RYR2: variants seen among roughly 807,000 people sequenced by gnomAD.
RYR2 encodes ryanodine receptor 2.
A neutral mutation model predicts 601.1 loss-of-function variants in RYR2; 227 were observed. That is an observed-to-expected ratio of 0.38 (90% CI 0.34 to 0.42). The LOEUF is 0.42. Ranked by LOEUF, RYR2 falls within the 10% of genes least tolerant of loss-of-function variation. The pLI, the probability that RYR2 is intolerant of heterozygous loss-of-function variation, is 1.00. For missense variants in RYR2, 4,646 were observed against 6,156.5 expected (o/e 0.75, Z 8.21); for synonymous variants, 2,223 against 2,175.1 (o/e 1.02, Z -0.61).
intron 16 of RYR2, among the ~76,000 whole-genome samples, chr1:237,464,752 TC>T (rs1434270637): frequency 6.6e-6 from 1 of 152,226 alleles, no homozygotes; most frequent in Non-Finnish European, 1.5e-5. Context: ...CTATCAATGT[TC>T]TTTTATAGCA....
At chr1:237,105,725 T>A (rs1668585671) in intron 1 of RYR2, among the ~76,000 whole-genome samples, 1 of 151,500 alleles carries the variant, frequency 6.6e-6, no homozygotes, top group African/African-American at 2.4e-5. Flanking sequence ...TCCCAACTAC[T>A]TGGGAGGCTG....
intron 60 of RYR2, among the ~76,000 whole-genome samples, chr1:237,676,839 T>A (rs954125939): frequency 9.9e-5 from 15 of 152,172 alleles, no homozygotes; most frequent in African/African-American, 3.4e-4. Context: ...GCATTTTTTT[T>A]AAATGTAGTA....
At chr1:237,599,911 T>TA (rs200874378) in intron 34 of RYR2, among the ~76,000 whole-genome samples, 2,307 of 152,006 alleles carry the variant, frequency 0.015, 19 homozygotes, top group Non-Finnish European at 0.024. Context: ...GAAATAAATT[T>TA]AAGAGGACAG....
intron 20 of RYR2, among the ~76,000 whole-genome samples, chr1:237,497,676 C>T (rs761427936): frequency 5.3e-5 from 8 of 152,072 alleles, no homozygotes; most frequent in Non-Finnish European, 8.8e-5. Flanking sequence ...GCTTTATGGG[C>T]CTAAAACTTA....
chr1:237,432,211 A>G lies in RYR2; in HGVS notation c.1005+8963A>G, dbSNP rs201361069. ...AGAGCAATGACTTTAGGCTTTTTTT[A>G]AAAAAAAATGCCTTTTACAGTTTAA... is the stretch of plus-strand genomic sequence containing the variant. On this transcript the variant is annotated intron_variant, in intron 12 of 104. Transcript: ENST00000366574. Among the ~76,000 whole-genome samples, 21 of 119,196 alleles carry G rather than the reference A, an allele frequency of 1.8e-4. 1 individual carries two copies. The highest frequency in any genetic ancestry group is 3.1e-4 in the Admixed American group (3 of 9,706). 78.2% of individuals were successfully genotyped at this position (119,196 alleles called of 152,430 possible).
At chr1:237,147,349 G>A (rs1674116871) in intron 1 of RYR2, among the ~76,000 whole-genome samples, 1 of 152,124 alleles carries the variant, frequency 6.6e-6, no homozygotes, top group Non-Finnish European at 1.5e-5. Context: ...AAAAGGGTGT[G>A]CACCTGTTCT....
rs76067313 is a variant in RYR2 at position 237,380,530 on chromosome 1, G to A, written c.576+3095G>A. ...GGAATAATAAAGAACTTAACTCATAGGGGTGTTACGGGATTAAATGCTGGA... is the reference window on the plus strand; with the variant it reads ...GGAATAATAAAGAACTTAACTCATAAGGGTGTTACGGGATTAAATGCTGGA... On this transcript the variant is annotated intron_variant, in intron 8 of 104. Coordinates refer to ENST00000366574, the MANE Select transcript of RYR2 (RefSeq NM_001035.3). 0.011 allele frequency among the ~76,000 whole-genome samples: 1,630 copies of A among 149,380 alleles called. 65 individuals are homozygous for A. In the East Asian group the frequency reaches 0.14, roughly 13 times the overall value.
intron 1 of RYR2, among the ~76,000 whole-genome samples, chr1:237,171,268 A>G (rs1021616812): frequency 6.6e-6 from 1 of 152,176 alleles, no homozygotes; most frequent in South Asian, 2.1e-4. Context: ...CATTAAAAAA[A>G]AATATTTAAA....
chr1:237,461,632 A>G (rs1173700578), intron 16 of RYR2, among the ~76,000 whole-genome samples: 1 of 152,042 alleles, frequency 6.6e-6, no homozygotes, highest in Non-Finnish European at 1.5e-5. Context: ...ATTAACATGC[A>G]TTACTTTTAT....
intron 10 of RYR2, among the ~76,000 whole-genome samples, chr1:237,389,017 C>T (rs1408181588): frequency 6.6e-6 from 1 of 152,092 alleles, no homozygotes. Flanking sequence ...TGCATAATCT[C>T]AGGAAAAGTC....
intron 3 of RYR2, among the ~76,000 whole-genome samples, chr1:237,331,729 T>C (rs184069967): frequency 3.4e-4 from 51 of 151,858 alleles, no homozygotes; most frequent in African/African-American, 1.2e-3. Flanking sequence ...TTGGCCAGGA[T>C]GGTCTTGACC....
At chr1:237,310,069 C>T (rs1019610881) in intron 2 of RYR2, among the ~76,000 whole-genome samples, 3 of 152,174 alleles carry the variant, frequency 2.0e-5, no homozygotes, top group East Asian at 1.9e-4. Context: ...CACAGTGCAG[C>T]AGCAGGCTGA....
chr1:237,536,398 C>T (rs886773194), intron 25 of RYR2, among the ~76,000 whole-genome samples: 11 of 152,062 alleles, frequency 7.2e-5, no homozygotes, highest in Non-Finnish European at 1.5e-4. Context: ...GGTGTAACCC[C>T]GTCTCTACTA....
In RYR2 at chr1:237,633,835, A is replaced by T. The variant is rs115787974; in HGVS notation, c.6688+125A>T. ...AGACATTTCACAAAAGAAGACAGAT[A>T]GTTGGCCAATAGGTATATGAAAAAA... On this transcript the variant is annotated intron_variant, in intron 43 of 104. Transcript: ENST00000366574. 12 of 964,030 alleles carry T rather than the reference A, an allele frequency of 1.2e-5. No homozygotes were observed. The South Asian group carries it at 2.4e-4, about 19-fold the overall frequency. The allele number at this position is 964,030 out of a possible 1,614,324, so 59.7% of individuals were successfully genotyped here.
At chr1:237,497,478 A>T (rs1247077293) in intron 20 of RYR2, among the ~76,000 whole-genome samples, 1 of 152,222 alleles carries the variant, frequency 6.6e-6, no homozygotes. Flanking sequence ...GATTTTTTAG[A>T]TGTTAAAATT....
chr1:237,810,507 A>G (rs1160390716), intron 100 of RYR2, among the ~76,000 whole-genome samples: 1 of 152,238 alleles, frequency 6.6e-6, no homozygotes, highest in African/African-American at 2.4e-5. Flanking sequence ...CAGCATTTTC[A>G]TGACTCTGGT....
At chr1:237,081,383 C>G (rs962942430) in intron 1 of RYR2, among the ~76,000 whole-genome samples, 1 of 151,712 alleles carries the variant, frequency 6.6e-6, no homozygotes, top group Non-Finnish European at 1.5e-5. Flanking sequence ...TTGTGCCCCT[C>G]AGTCCCCTTG....
chr1:237,482,506 C>A (rs939464130), intron 17 of RYR2, among the ~76,000 whole-genome samples: 1 of 152,154 alleles, frequency 6.6e-6, no homozygotes, highest in African/African-American at 2.4e-5. Flanking sequence ...ATCTCCAGTT[C>A]ATCCATGTTG....
At chr1:237,100,877 G>A (rs1160733382) in intron 1 of RYR2, among the ~76,000 whole-genome samples, 1 of 152,054 alleles carries the variant, frequency 6.6e-6, no homozygotes, top group Admixed American at 6.6e-5. Flanking sequence ...GCCCCCTTCT[G>A]CCCTGGTCTC....
Sources: allele counts gnomAD v4.1 joint callset (sites outside exome capture counted in the v4.1 genomes callset), GRCh38; gene constraint gnomAD v4.1.1; transcripts MANE v1.5; gene names NCBI Gene and HGNC (gene_info 2026-07-23, HGNC 2026-07-21).